The following FCHO2 variants were observed in gnomAD, a reference collection of about 807,000 sequenced individuals.
FCHO2 encodes F-BAR domain only protein 2.
In FCHO2, 43 loss-of-function variants were observed where a neutral mutation model predicts 114.1. The observed-to-expected ratio is 0.38, with a 90% CI of 0.30 to 0.49. The LOEUF is 0.49. Among genes scored for constraint, FCHO2 ranks in the 20% least tolerant of loss-of-function variants. FCHO2 has a pLI of 0.97. For synonymous variants in FCHO2, 293 were observed against 315.2 expected, an observed-to-expected ratio of 0.93 and a Z score of 0.75; for missense variants, 807 against 950.4, an observed-to-expected ratio of 0.85 and a Z score of 1.98.
chr5:73,048,060 C>T (rs557717053), intron 11 of FCHO2, among the ~76,000 whole-genome samples: 32 of 147,512 alleles, frequency 2.2e-4, no homozygotes, highest in African/African-American at 7.7e-4. Flanking sequence ...CTGCTGGTCT[C>T]GAACTCCTGG....
At chr5:73,020,990 T>C (rs1050606312) in intron 8 of FCHO2, 3 of 1,590,054 alleles carry the variant, frequency 1.9e-6, no homozygotes, top group South Asian at 2.2e-5. Context: ...ACATCTTTGC[T>C]CTTTTCATTA....
chr5:73,047,677 A>T (rs1452592235), intron 11 of FCHO2, among the ~76,000 whole-genome samples: 1 of 151,990 alleles, frequency 6.6e-6, no homozygotes, highest in East Asian at 1.9e-4. Context: ...CCCTTACATA[A>T]ACTGTCATAG....
intron 11 of FCHO2, among the ~76,000 whole-genome samples, chr5:73,048,612 C>T (rs1468975430): frequency 2.6e-5 from 4 of 152,110 alleles, no homozygotes; most frequent in Admixed American, 2.6e-4. Context: ...CTAATAATTA[C>T]AGGTTATAAA....
intron 10 of FCHO2, among the ~76,000 whole-genome samples, chr5:73,038,496 A>G (rs1321468353): frequency 6.6e-6 from 1 of 152,228 alleles, no homozygotes; most frequent in African/African-American, 2.4e-5. Context: ...TTGACTGAAA[A>G]TTAGTTTAAA....
chr5:73,031,046 G>T (rs1001197242), intron 8 of FCHO2, among the ~76,000 whole-genome samples: 13 of 152,140 alleles, frequency 8.5e-5, no homozygotes, highest in Non-Finnish European at 1.8e-4. Flanking sequence ...AGTTCAAAAA[G>T]AGTATCCAAA....
chr5:73,005,790 GT>G (rs1202523918), intron 5 of FCHO2, among the ~76,000 whole-genome samples: 1 of 151,828 alleles, frequency 6.6e-6, no homozygotes, highest in Admixed American at 6.6e-5. Flanking sequence ...TGCTTAATAT[GT>G]TTTTTTAATT....
At chr5:73,025,713 T>A (rs1755878468) in intron 8 of FCHO2, among the ~76,000 whole-genome samples, 1 of 152,276 alleles carries the variant, frequency 6.6e-6, no homozygotes, top group East Asian at 1.9e-4. Flanking sequence ...TATGGGCACC[T>A]GAGCAAATGA....
At position 72,983,133 on chromosome 5, in the gene FCHO2, C is replaced by CG. The variant is rs574100454; in HGVS notation, c.126-6293dup. Among the ~76,000 whole-genome samples, 197 of 152,182 alleles carry CG rather than the reference C, an allele frequency of 1.3e-3. 1 individual carries two copies. The highest frequency in any genetic ancestry group is 4.5e-3 in the African/African-American group (187 of 41,528). The stretch of plus-strand genomic sequence containing the variant: ...TTCATCATGTTATCCAGGATGGTCT[C>CG]GATCTCTTGACCTCAGGTGATCGGC... On this transcript the variant is annotated intron_variant, in intron 2 of 25. Coordinates refer to ENST00000430046, the MANE Select transcript of FCHO2 (RefSeq NM_138782.3).
At chr5:73,025,492 C>T (rs1456325760) in intron 8 of FCHO2, among the ~76,000 whole-genome samples, 2 of 151,668 alleles carry the variant, frequency 1.3e-5, no homozygotes, top group Non-Finnish European at 2.9e-5. Context: ...AATTCTCTTG[C>T]CTCATCCTCC....
intron 1 of FCHO2, among the ~76,000 whole-genome samples, chr5:72,965,514 G>A (rs965912728): frequency 2.6e-5 from 4 of 152,174 alleles, no homozygotes; most frequent in Admixed American, 2.6e-4. Flanking sequence ...TTTTCAAAGT[G>A]CAGTAAAGCA....
intron 8 of FCHO2, among the ~76,000 whole-genome samples, chr5:73,024,071 T>C (rs1755783709): frequency 6.6e-6 from 1 of 152,162 alleles, no homozygotes; most frequent in Non-Finnish European, 1.5e-5. Context: ...CTTTTCCTTT[T>C]TTTTTTGAGA....
intron 5 of FCHO2, chr5:72,997,526 T>C (rs1754185766): frequency 1.5e-6 from 2 of 1,377,392 alleles, no homozygotes; most frequent in South Asian, 2.3e-5. Flanking sequence ...CAAATCCTGG[T>C]TCAGTGACCC....
chr5:73,019,441 C>A, intron 8 of FCHO2, among the ~76,000 whole-genome samples: 1 of 152,184 alleles, frequency 6.6e-6, no homozygotes, highest in East Asian at 1.9e-4. Flanking sequence ...ACTTGGGAGG[C>A]TGAGGCGGGA....
intron 11 of FCHO2, among the ~76,000 whole-genome samples, chr5:73,045,413 G>C (rs1297911738): frequency 6.6e-6 from 1 of 152,164 alleles, no homozygotes; most frequent in East Asian, 1.9e-4. Flanking sequence ...GATGTATCCA[G>C]GTTGTGGTAC....
At chr5:72,987,068 G>GCA (rs1753563968) in intron 2 of FCHO2, among the ~76,000 whole-genome samples, 2 of 151,396 alleles carry the variant, frequency 1.3e-5, no homozygotes, top group African/African-American at 4.9e-5. Context: ...AGTAGAGATG[G>GCA]GGTTTCACCG....
intron 16 of FCHO2, among the ~76,000 whole-genome samples, chr5:73,057,666 C>T (rs903436359): frequency 6.6e-6 from 1 of 152,056 alleles, no homozygotes; most frequent in Non-Finnish European, 1.5e-5. Context: ...AAAATTTTAA[C>T]CCAATTTTAT....
chr5:72,960,220 A>G (rs942909875), intron 1 of FCHO2, among the ~76,000 whole-genome samples: 5 of 152,390 alleles, frequency 3.3e-5, no homozygotes, highest in Middle Eastern at 6.8e-3. Flanking sequence ...TGAAAGCAGC[A>G]CATTCTTCCT....
intron 2 of FCHO2, among the ~76,000 whole-genome samples, chr5:72,979,535 G>T (rs1376332954): frequency 2.0e-5 from 3 of 149,954 alleles, no homozygotes; most frequent in African/African-American, 7.3e-5. Context: ...GGGACTACAG[G>T]CGCCCGCTAC....
At chr5:73,033,247 A>T (rs1478680622) in intron 8 of FCHO2, among the ~76,000 whole-genome samples, 1 of 152,134 alleles carries the variant, frequency 6.6e-6, no homozygotes, top group Non-Finnish European at 1.5e-5. Flanking sequence ...AGAAGAATGT[A>T]TTAGTAAGGA....
Sources: allele counts gnomAD v4.1 joint callset (sites outside exome capture counted in the v4.1 genomes callset), GRCh38; gene constraint gnomAD v4.1.1; transcripts MANE v1.5; gene names NCBI Gene and HGNC (gene_info 2026-07-23, HGNC 2026-07-21).